The following TECTA variants were observed in gnomAD, a reference collection of about 807,000 sequenced individuals.
TECTA encodes alpha-tectorin.
In TECTA, 128 loss-of-function variants were observed where a neutral mutation model predicts 216.8. The observed-to-expected ratio is 0.59, with a 90% CI of 0.51 to 0.68. TECTA has a LOEUF of 0.68. Among genes scored for constraint, TECTA ranks in the 30% least tolerant of loss-of-function variants. The pLI is 0.00. For missense variants in TECTA, 2,551 were observed against 2,786.2 expected, an observed-to-expected ratio of 0.92 and a Z score of 1.90; for synonymous variants, 1,089 against 1,117.1, an observed-to-expected ratio of 0.97 and a Z score of 0.50.
chr11:121,153,114 C>A (rs781069309), intron 13 of TECTA, 34 bp downstream of exon 13: 1 of 1,595,216 alleles, frequency 6.3e-7, no homozygotes. Flanking sequence ...TTCCTCCTTG[C>A]CAATGATCAG....
Position 121,125,657 on chromosome 11 carries a change from G to A in TECTA, c.1559G>A (p.Gly520Asp), listed in dbSNP as rs1946602680. 1 of 1,611,022 alleles carries A rather than the reference G, an allele frequency of 6.2e-7. No individual in the cohort carries two copies. Among genetic ancestry groups the A allele is most frequent in the Non-Finnish European group, 8.5e-7 (1 of 1,177,378 alleles). The stretch of plus-strand genomic sequence containing the variant: ...GCTGCCACTGAAGCCCTCTACTTTG[G>A]CTCTGACTACTGCGGCTTCCTCAAC... ...CDAATEALYF[G>D]SDYCGFLNKT... is the part of the protein sequence containing the mutation. The change falls in exon 8 of 24, where the codon GGC (glycine) becomes GAC (aspartate). Residue 520 changes from glycine (G) to aspartate (D), a missense_variant. Gly to Asp is a moderately conservative substitution (Grantham distance 94). Transcript: ENST00000392793.
rs1029723713 is a variant in TECTA at position 121,113,180 on chromosome 11, CT to C, written c.596del (p.Leu199ArgfsTer7). 2 of 1,613,988 alleles carry C rather than the reference CT, an allele frequency of 1.2e-6. No individual in the cohort carries two copies. Among genetic ancestry groups the C allele is most frequent in the Admixed American group, 1.7e-5 (1 of 59,996 alleles). On this transcript the variant is annotated frameshift_variant, in exon 5 of 24. Transcript: ENST00000392793. LOFTEE classifies it high-confidence loss of function. This position sits in a 1 kb window ranked among gnomAD's most constrained non-coding sequence, Gnocchi z 4.2. The stretch of plus-strand genomic sequence containing the variant: ...GGGGACGGCGAGTGGCGGCGACCCC[CT>C]GACAGGTCTTGGTGGAGTGATGGCA... ...TTGTASGGDP[L>X]TGLGGVMAQA... is the part of the protein sequence containing the mutation.
At chr11:121,173,438 A>G (rs1033527588) in intron 20 of TECTA, among the ~76,000 whole-genome samples, 2 of 138,294 alleles carry the variant, frequency 1.4e-5, no homozygotes, top group African/African-American at 2.8e-5. Flanking sequence ...ACCATTTATT[A>G]AATAGGGAAT....
Position 121,113,915 on chromosome 11 carries a change from G to A in TECTA, c.790+197G>A, listed in dbSNP as rs1266928250. On this transcript the variant is annotated intron_variant, in intron 6 of 23. Transcript: ENST00000392793. The surrounding 1 kb of genome is among the most constrained non-coding windows in gnomAD (Gnocchi z 4.2). ...GCTAAAACACTGCATTCACTACCTTGTGGCTTTGGAAGTCCTTTTCTGGAG... is the reference window on the plus strand; with the variant it reads ...GCTAAAACACTGCATTCACTACCTTATGGCTTTGGAAGTCCTTTTCTGGAG... Among the ~76,000 whole-genome samples the A allele has an allele frequency of 6.6e-6, 1 of 152,174 alleles. No homozygotes were observed. The highest frequency in any genetic ancestry group is 1.9e-4 in the East Asian group (1 of 5,206).
chr11:121,106,000 C>T lies in TECTA; in HGVS notation c.198+36C>T, dbSNP rs762267644. 3 of 1,614,074 alleles carry T rather than the reference C, an allele frequency of 1.9e-6. No individual in the cohort carries two copies. Among genetic ancestry groups the T allele is most frequent in the Non-Finnish European group, 2.5e-6 (3 of 1,179,968 alleles). On this transcript the variant is annotated intron_variant, in intron 3 of 23. Transcript: ENST00000392793. This position sits in a 1 kb window ranked among gnomAD's most constrained non-coding sequence, Gnocchi z 5.3. The stretch of plus-strand genomic sequence containing the variant: ...AAGCAGCCCATCTGTTGTTCTCTGG[C>T]CCTCCCTTTTGTTTGTCATTAAGAA...
intron 12 of TECTA, among the ~76,000 whole-genome samples, chr11:121,147,998 A>G (rs1946855670): frequency 6.6e-6 from 1 of 152,196 alleles, no homozygotes. Context: ...GGCCCCCACT[A>G]CAAAGCTTGG....
rs113954911 is a variant in TECTA at position 121,108,407 on chromosome 11, GC to G, written c.199-801del. Reference sequence around the variant, plus strand: ...CAGTATACACACACATACACACCATGCCCAGTACACAAACATATACATCCCA... The same window carrying G: ...CAGTATACACACACATACACACCATGCCAGTACACAAACATATACATCCCA... On this transcript the variant is annotated intron_variant, in intron 3 of 23. Coordinates refer to ENST00000392793, the MANE Select transcript of TECTA (RefSeq NM_005422.4). Among the ~76,000 whole-genome samples the G allele has an allele frequency of 4.2e-3, 593 of 141,948 alleles. 6 individuals are homozygous for G. The highest frequency in any genetic ancestry group is 0.013 in the African/African-American group (490 of 37,682). The allele number at this position is 141,948 out of a possible 152,430, so 93.1% of individuals were successfully genotyped here. A position where few individuals can be genotyped will look rare whatever the true frequency, so the allele number is the denominator to read the frequency against.
rs757403095 is a variant in TECTA at position 121,153,091 on chromosome 11, C to T, written c.4305+11C>T. ...GGCAAATATTACGAGGTATGGGAGG[C>T]CAGCCCGGCCTTTTCCTCCTTGCCA... On this transcript the variant is annotated intron_variant, in intron 13 of 23. Transcript: ENST00000392793. 4 of 1,610,072 alleles carry T rather than the reference C, an allele frequency of 2.5e-6. No individual in the cohort carries two copies. Among genetic ancestry groups the T allele is most frequent in the Non-Finnish European group, 2.5e-6 (3 of 1,178,406 alleles).
At position 121,129,743 on chromosome 11, in the gene TECTA, G is replaced by C; in HGVS notation, c.2473G>C (p.Val825Leu). The change falls in exon 10 of 24, where the codon GTC becomes CTC. Residue 825 changes from valine to leucine, a missense_variant. Around this residue, in one of 3 missense-constraint regions of TECTA, gnomAD observed 2,375 missense variants for 2,563.9 expected, o/e 0.93. Transcript: ENST00000392793. ...AGTGGAGTCCAAGGGCGTGGTGACT[G>C]TCCAGTACTCAGACATAGGTCTATT... ...TTVESKGVVT[V>L]QYSDIGLLYI... 1.9e-6 allele frequency: 3 copies of C among 1,614,208 alleles called. No homozygotes were observed. Among genetic ancestry groups the C allele is most frequent in the Non-Finnish European group, 2.5e-6 (3 of 1,180,022 alleles).
chr11:121,129,516 C>T, intron 9 of TECTA, 122 bp from the exon 10 acceptor site: 1 of 988,318 alleles, frequency 1.0e-6, no homozygotes, highest in South Asian at 1.3e-5. Context: ...TGGGTTCCAT[C>T]AGCTTCTTGA....
Position 121,101,416 on chromosome 11 carries a change from T to C in TECTA, c.-28T>C, listed in dbSNP as rs1321463822. On this transcript the variant is annotated 5_prime_UTR_variant, in exon 1 of 24. Coordinates refer to ENST00000392793, the MANE Select transcript of TECTA (RefSeq NM_005422.4). ...CAAGATTTGGCTTAATATTTCTGAC[T>C]CAGTTCCTCCAGCCTCTACAGAACA... 2 of 152,222 alleles carry C rather than the reference T, an allele frequency of 1.3e-5. No individual in the cohort carries two copies. The highest frequency in any genetic ancestry group is 2.9e-5 in the Non-Finnish European group (2 of 68,042). The allele number at this position is 152,222 out of a possible 1,614,324, so 9.4% of individuals were successfully genotyped here.
chr11:121,137,780 A>G lies in TECTA; in HGVS notation c.3301A>G (p.Ile1101Val), dbSNP rs970642433. 6 of 1,614,050 alleles carry G rather than the reference A, an allele frequency of 3.7e-6. No homozygotes were observed. In the African/African-American group the frequency reaches 5.3e-5, roughly 14 times the overall value. Reference sequence around the variant, plus strand: ...CCAAGCCCGCACCGACGCCTCCTGCATCGTCTCAGGCTACGGCCACTACCT... The same window carrying G: ...CCAAGCCCGCACCGACGCCTCCTGCGTCGTCTCAGGCTACGGCCACTACCT... ...YCQARTDASC[I>V]VSGYGHYLTF... The change falls in exon 11 of 24, where the codon ATC becomes GTC. Residue 1101 changes from isoleucine to valine, a missense_variant. Around this residue, in one of 3 missense-constraint regions of TECTA, gnomAD observed 2,375 missense variants for 2,563.9 expected, o/e 0.93. Transcript: ENST00000392793.
intron 20 of TECTA, among the ~76,000 whole-genome samples, chr11:121,173,923 T>G (rs950522626): frequency 6.6e-6 from 1 of 151,716 alleles, no homozygotes; most frequent in African/African-American, 2.4e-5. Context: ...GTAAGTTGGA[T>G]TCCTAGGTAT....
chr11:121,160,261 A>G lies in TECTA; in HGVS notation c.4816A>G (p.Ile1606Val). ...IQIYYNGFNV[I>V]KISISERLQN... is the part of the protein sequence containing the mutation. ...GATATACTACAATGGTTTCAACGTCATTAAAATCAGCATCAGCGAGAGGCT... is the reference window on the plus strand; with the variant it reads ...GATATACTACAATGGTTTCAACGTCGTTAAAATCAGCATCAGCGAGAGGCT... Residue 1606 changes from isoleucine to valine, a missense_variant, in exon 15 of 24, where the codon ATT becomes GTT. This residue lies in a region of TECTA where 2,375 missense variants were observed against 2,563.9 expected (regional missense o/e 0.93). Transcript: ENST00000392793. 1 of 1,614,248 alleles carries G rather than the reference A, an allele frequency of 6.2e-7. No homozygotes were observed. Among genetic ancestry groups the G allele is most frequent in the Non-Finnish European group, 8.5e-7 (1 of 1,180,044 alleles).
chr11:121,190,843 C>A lies in TECTA; in HGVS notation c.*37C>A. On this transcript the variant is annotated 3_prime_UTR_variant, in exon 24 of 24. Coordinates refer to ENST00000392793, the MANE Select transcript of TECTA (RefSeq NM_005422.4). ...TTGCTATATAAAGTACTGTAATTTACTTACTTCAACACCCTGTAGGATAAA... is the reference window on the plus strand; with the variant it reads ...TTGCTATATAAAGTACTGTAATTTAATTACTTCAACACCCTGTAGGATAAA... The A allele has an allele frequency of 6.9e-7, 1 of 1,440,350 alleles. No individual in the cohort carries two copies. Among genetic ancestry groups the A allele is most frequent in the Non-Finnish European group, 9.7e-7 (1 of 1,029,882 alleles). 89.2% of individuals were successfully genotyped at this position (1,440,350 alleles called of 1,614,324 possible). A position where few individuals can be genotyped will look rare whatever the true frequency, so the allele number is the denominator to read the frequency against.
At chr11:121,190,074 C>CAAA in intron 23 of TECTA, 194 bp downstream of exon 23, 2 of 595,472 alleles carry the variant, frequency 3.4e-6, no homozygotes, top group Non-Finnish European at 3.0e-6. Context: ...ACAACAACAA[C>CAAA]AAAAAAACCT....
chr11:121,127,831 G>C lies in TECTA; in HGVS notation c.1854G>C (p.Thr618=), dbSNP rs746142039. 1 of 1,614,112 alleles carries C rather than the reference G, an allele frequency of 6.2e-7. No homozygotes were observed. Among genetic ancestry groups the C allele is most frequent in the Non-Finnish European group, 8.5e-7 (1 of 1,180,038 alleles). ...GCCCCGACACATGCTCCGACCTGAC[G>C]GCCTCGCGGAACTGCGCCACGCCGT... ...SSCPDTCSDL[T]ASRNCATPCT... Residue 618 remains threonine (T), a synonymous_variant, in exon 9 of 24, where the codon ACG becomes ACC. Transcript: ENST00000392793. The surrounding 1 kb of genome is among the most constrained non-coding windows in gnomAD (Gnocchi z 5.0).
chr11:121,132,067 G>C lies in TECTA; in HGVS notation c.2941+1856G>C, dbSNP rs1047243632. Among the ~76,000 whole-genome samples, 3 of 152,052 alleles carry C rather than the reference G, an allele frequency of 2.0e-5. No individual in the cohort carries two copies. The East Asian group carries it at 5.8e-4, about 29-fold the overall frequency. On this transcript the variant is annotated intron_variant, in intron 10 of 23. Transcript: ENST00000392793. The stretch of plus-strand genomic sequence containing the variant: ...AATTTAGGTAGCTATTCTATTCCTT[G>C]AACTTGCATACACTAGATTTAGTAT...
chr11:121,133,019 A>C (rs771848294), intron 10 of TECTA, among the ~76,000 whole-genome samples: 8 of 152,202 alleles, frequency 5.3e-5, no homozygotes, highest in Non-Finnish European at 1.2e-4. Context: ...GGCGTGAGCC[A>C]CCACGCCCGG....
Sources: allele counts gnomAD v4.1 joint callset (sites outside exome capture counted in the v4.1 genomes callset), GRCh38; gene constraint gnomAD v4.1.1; regional missense constraint gnomAD v4.1.1; non-coding constraint Gnocchi (gnomAD v3.1); transcripts MANE v1.5; gene names NCBI Gene and HGNC (gene_info 2026-07-23, HGNC 2026-07-21).